The following ZFHX3 variants were observed in gnomAD, a reference collection of about 807,000 sequenced individuals.
The protein encoded by ZFHX3 is zinc finger homeobox protein 3.
In ZFHX3, 42 loss-of-function variants were observed where a neutral mutation model predicts 279.1. The observed-to-expected ratio is 0.15, with a 90% CI of 0.12 to 0.19. The LOEUF (loss-of-function observed/expected upper bound fraction) is 0.19, where lower values mean the gene tolerates loss of function less well. Among genes scored for constraint, ZFHX3 ranks in the 10% least tolerant of loss-of-function variants. The pLI is 1.00. For synonymous variants in ZFHX3, 2,293 were observed against 1,957.8 expected (o/e 1.17, Z -4.52); for missense variants, 4,981 against 4,754.0 (o/e 1.05, Z -1.40).
intron 1 of ZFHX3, among the ~76,000 whole-genome samples, chr16:73,880,636 TTCTA>T (rs906470090): frequency 2.6e-5 from 4 of 152,160 alleles, no homozygotes; most frequent in African/African-American, 7.2e-5. Flanking sequence ...CCTGAAATGC[TTCTA>T]TCTAAGAGTA....
chr16:73,639,212 T>G (rs944966476), intron 2 of ZFHX3, among the ~76,000 whole-genome samples: 2 of 152,188 alleles, frequency 1.3e-5, no homozygotes, highest in African/African-American at 4.8e-5. Flanking sequence ...CTTAATCAAG[T>G]CCACAGCAGC....
rs1461560782 is a variant in ZFHX3, at chr16:72,796,076, C to T, written c.6606G>A (p.Gln2202=). 2 of 1,614,204 alleles carry T rather than the reference C, an allele frequency of 1.2e-6. No homozygotes were observed. The highest frequency in any genetic ancestry group is 1.7e-5 in the Admixed American group (1 of 60,026). Residue 2202 remains glutamine, a synonymous_variant, in exon 9 of 10, where the codon CAG becomes CAA. Coordinates refer to ENST00000268489, the MANE Select transcript of ZFHX3 (RefSeq NM_006885.4). ...AGTTGTAAGGGGAGTCCTTGTTACG[C>T]TGCCTCTCTTTGAAGAGAGTGTTCC... ...WFRNTLFKER[Q]RNKDSPYNFS...
At chr16:73,456,331 T>C (rs191229776) in intron 2 of ZFHX3, 12 of 152,326 alleles carry the variant, frequency 7.9e-5, no homozygotes, top group African/African-American at 2.6e-4. Flanking sequence ...ATAGAAGAGA[T>C]ACATTCCTCC....
At chr16:72,841,908 G>T (rs970231254) in intron 4 of ZFHX3, among the ~76,000 whole-genome samples, 3 of 152,180 alleles carry the variant, frequency 2.0e-5, no homozygotes, top group African/African-American at 7.2e-5. Context: ...GTTTAGTGGT[G>T]GGAATATTCG....
At chr16:72,799,310 A>G (rs1338186932) in intron 8 of ZFHX3, among the ~76,000 whole-genome samples, 2 of 152,328 alleles carry the variant, frequency 1.3e-5, no homozygotes, top group Non-Finnish European at 2.9e-5. Flanking sequence ...CAAGTGTTCA[A>G]TTATTTAAAA....
chr16:73,601,264 A>C (rs540757136), intron 2 of ZFHX3, among the ~76,000 whole-genome samples: 1 of 150,900 alleles, frequency 6.6e-6, no homozygotes, highest in South Asian at 2.1e-4. Flanking sequence ...CATCCTGGCC[A>C]ATATGGTGAA....
intron 3 of ZFHX3, among the ~76,000 whole-genome samples, chr16:73,355,296 GT>G (rs2143297113): frequency 6.6e-6 from 1 of 152,268 alleles, no homozygotes; most frequent in Non-Finnish European, 1.5e-5. Flanking sequence ...GATTTTCCCA[GT>G]GGACTCCTGA....
chr16:73,450,881 G>A (rs550353962), intron 3 of ZFHX3, among the ~76,000 whole-genome samples: 3 of 152,168 alleles, frequency 2.0e-5, no homozygotes, highest in African/African-American at 7.2e-5. Flanking sequence ...GTAGTGTATA[G>A]AGCATTTTTA....
At chr16:72,936,612 T>G (rs180892398) in intron 3 of ZFHX3, among the ~76,000 whole-genome samples, 2 of 152,296 alleles carry the variant, frequency 1.3e-5, no homozygotes, top group African/African-American at 4.8e-5. Flanking sequence ...GGCGCCAGCT[T>G]AGCATGTTGA....
chr16:72,826,302 TACAAAA>T, intron 5 of ZFHX3, among the ~76,000 whole-genome samples: 1 of 152,102 alleles, frequency 6.6e-6, no homozygotes, highest in African/African-American at 2.4e-5. Context: ...ACCCCAAAAC[TACAAAA>T]TCAGTAGCTG....
intron 4 of ZFHX3, among the ~76,000 whole-genome samples, chr16:73,302,757 A>G (rs2015086335): frequency 6.6e-6 from 1 of 152,108 alleles, no homozygotes; most frequent in Non-Finnish European, 1.5e-5. Context: ...GACGATGACC[A>G]TCTGAGCAGT....
At chr16:73,091,507 AGCAGTAGCC>A (rs746794365) in intron 8 of ZFHX3, among the ~76,000 whole-genome samples, 109 of 152,310 alleles carry the variant, frequency 7.2e-4, no homozygotes, top group Non-Finnish European at 1.4e-3. Context: ...AGAGCTGGCC[AGCAGTAGCC>A]TGAGGTTGGC....
rs568745700 is a variant in ZFHX3 at position 72,880,884 on chromosome 16, T to C, written c.3448+8847A>G. 2.0e-5 allele frequency among the ~76,000 whole-genome samples: 3 copies of C among 152,292 alleles called. No homozygotes were observed. The South Asian group carries it at 6.2e-4, about 32-fold the overall frequency. On this transcript the variant is annotated intron_variant, in intron 4 of 9. Coordinates refer to ENST00000268489, the MANE Select transcript of ZFHX3 (RefSeq NM_006885.4). ...AAGTCCTTTCAAAGTCCCTCAAAACTGCTAATGGAATAAGACATAAGTAGC... is the reference window on the plus strand; with the variant it reads ...AAGTCCTTTCAAAGTCCCTCAAAACCGCTAATGGAATAAGACATAAGTAGC...
At position 72,925,607 on chromosome 16, in the gene ZFHX3, C is replaced by G. The variant is rs561637814; in HGVS notation, c.3216+24862G>C. Among the ~76,000 whole-genome samples the G allele has an allele frequency of 8.5e-5, 13 of 152,342 alleles. No individual in the cohort carries two copies. The Middle Eastern group carries it at 0.01, about 120-fold the overall frequency. On this transcript the variant is annotated intron_variant, in intron 3 of 9. Transcript: ENST00000268489. ...TACCTGTGTCCACTTAACCCCGTCCCGTGTCTTTCCCTTATCTTGAGTTGC... is the reference window on the plus strand; with the variant it reads ...TACCTGTGTCCACTTAACCCCGTCCGGTGTCTTTCCCTTATCTTGAGTTGC...
intron 3 of ZFHX3, among the ~76,000 whole-genome samples, chr16:72,903,173 G>A (rs1283956483): frequency 6.6e-6 from 1 of 152,168 alleles, no homozygotes; most frequent in Non-Finnish European, 1.5e-5. Flanking sequence ...TGCCCACTGT[G>A]GAGGTCGTTG....
intron 3 of ZFHX3, among the ~76,000 whole-genome samples, chr16:73,334,094 G>C (rs1305828238): frequency 6.6e-6 from 1 of 152,180 alleles, no homozygotes; most frequent in Non-Finnish European, 1.5e-5. Flanking sequence ...TGCTGAAAGA[G>C]GAAGGAGAAA....
chr16:73,609,109 C>T (rs2052219814), intron 2 of ZFHX3: 1 of 152,204 alleles, frequency 6.6e-6, no homozygotes, highest in Non-Finnish European at 1.5e-5. Context: ...TATGCACAAG[C>T]TGCAGCTTTC....
At chr16:73,145,440 G>A (rs1485235949) in intron 5 of ZFHX3, among the ~76,000 whole-genome samples, 1 of 152,222 alleles carries the variant, frequency 6.6e-6, no homozygotes, top group Non-Finnish European at 1.5e-5. Flanking sequence ...TCCTGCGGAG[G>A]ACCTTACCCT....
At chr16:73,696,024 G>C (rs891861916) in intron 1 of ZFHX3, among the ~76,000 whole-genome samples, 2 of 152,204 alleles carry the variant, frequency 1.3e-5, no homozygotes, top group African/African-American at 4.8e-5. Flanking sequence ...AAGAGAGTAA[G>C]AGGGAAATTG....
Sources: allele counts gnomAD v4.1 joint callset (sites outside exome capture counted in the v4.1 genomes callset), GRCh38; gene constraint gnomAD v4.1.1; transcripts MANE v1.5; gene names NCBI Gene and HGNC (gene_info 2026-07-23, HGNC 2026-07-21).